The following DLST variants were observed in gnomAD, a reference collection of about 807,000 sequenced individuals.
DLST encodes the protein dihydrolipoamide S-succinyltransferase.
DLST carries 17 observed loss-of-function variants against 53.1 expected under a neutral mutation model. The ratio of observed to expected loss-of-function variants is 0.32; its 90% CI spans 0.22 to 0.48. The LOEUF is 0.48. Among genes scored for constraint, DLST ranks in the 20% least tolerant of loss-of-function variants. The probability of loss-of-function intolerance (pLI) is 0.99; values close to 1 mark genes in which losing one functional copy is unlikely to be tolerated. For missense variants in DLST, 512 were observed against 583.9 expected (o/e 0.88, Z 1.27); for synonymous variants, 206 against 204.8 (o/e 1.01, Z -0.05).
chr14:74,901,739 T>C lies in DLST; in HGVS notation c.1228-457T>C, dbSNP rs59612812. ...GGGAACTCCTGTGTTTAGAATCCTT[T>C]TGGGTTACTGACTCCTGTGTGAAAC... On this transcript the variant is annotated intron_variant, in intron 14 of 14. Coordinates refer to ENST00000334220, the MANE Select transcript of DLST (RefSeq NM_001933.5). Among the ~76,000 whole-genome samples the C allele has an allele frequency of 3.8e-3, 576 of 152,330 alleles. 4 individuals are homozygous for C. Among genetic ancestry groups the C allele is most frequent in the African/African-American group, 0.013 (552 of 41,564 alleles).
rs77181853 is a variant in DLST, at chr14:74,882,773, A to G, written c.97+149A>G. ...ACGCAATGCTACATAATCACGAGCTATCGCTTATTCATTTAGCTCGTAGTT... is the reference window on the plus strand; with the variant it reads ...ACGCAATGCTACATAATCACGAGCTGTCGCTTATTCATTTAGCTCGTAGTT... On this transcript the variant is annotated intron_variant, in intron 2 of 14. Coordinates refer to ENST00000334220, the MANE Select transcript of DLST (RefSeq NM_001933.5). 1,921 of 735,594 alleles carry G rather than the reference A, an allele frequency of 2.6e-3. 35 individuals carry two copies. The African/African-American group carries it at 0.031, about 12-fold the overall frequency. The allele number at this position is 735,594 out of a possible 1,614,324, so 45.6% of individuals were successfully genotyped here. A position where few individuals can be genotyped will look rare whatever the true frequency, so the allele number is the denominator to read the frequency against.
intron 7 of DLST, among the ~76,000 whole-genome samples, 166 bp from the exon 8 acceptor site, chr14:74,892,668 A>G (rs924598214): frequency 1.3e-5 from 2 of 152,126 alleles, no homozygotes; most frequent in Non-Finnish European, 2.9e-5. Context: ...GGACTAGAGA[A>G]TAGTGCCTTA....
In DLST at chr14:74,902,545, T is replaced by C. The variant is rs1364788779; in HGVS notation, c.*215T>C. ...TCTGCACCTGTCTCATAGCCTCGAA[T>C]ATCTTAATTCCTTAGGCTTAAGAGA... On this transcript the variant is annotated 3_prime_UTR_variant, in exon 15 of 15. Transcript: ENST00000334220. 5 of 458,470 alleles carry C rather than the reference T, an allele frequency of 1.1e-5. No individual in the cohort carries two copies. Among genetic ancestry groups the C allele is most frequent in the South Asian group, 5.1e-5 (1 of 19,430 alleles). The allele number at this position is 458,470 out of a possible 1,614,324, so 28.4% of individuals were successfully genotyped here. A position where few individuals can be genotyped will look rare whatever the true frequency, so the allele number is the denominator to read the frequency against.
At chr14:74,884,289 A>AAT (rs1883630320) in intron 2 of DLST, among the ~76,000 whole-genome samples, 1 of 152,218 alleles carries the variant, frequency 6.6e-6, no homozygotes, top group African/African-American at 2.4e-5. Context: ...GAGAACATAA[A>AAT]GCCCCTAGCA....
chr14:74,898,617 T>TA, intron 11 of DLST, 118 bp downstream of exon 11: 1 of 1,236,616 alleles, frequency 8.1e-7, no homozygotes, highest in Non-Finnish European at 1.1e-6. Flanking sequence ...CCTATAGAAA[T>TA]ATCAGTATCT....
At chr14:74,883,544 C>T (rs2140184504) in intron 2 of DLST, among the ~76,000 whole-genome samples, 1 of 151,602 alleles carries the variant, frequency 6.6e-6, no homozygotes, top group African/African-American at 2.4e-5. Context: ...AAAAAAGTGT[C>T]ATCCATAGCT....
intron 7 of DLST, 102 bp from the exon 8 acceptor site, chr14:74,892,732 C>T (rs1861538516): frequency 1.7e-6 from 2 of 1,147,400 alleles, no homozygotes; most frequent in Non-Finnish European, 2.5e-6. Flanking sequence ...ACCCAGTAGA[C>T]ATTCGTTACT....
chr14:74,891,785 C>T (rs1453698151), intron 7 of DLST: 1 of 985,066 alleles, frequency 1.0e-6, no homozygotes, highest in Non-Finnish European at 1.2e-6. Flanking sequence ...ACCAACGAGT[C>T]ACAGAAGTCT....
In DLST at chr14:74,892,949, G is replaced by A. The variant is rs1278677221; in HGVS notation, c.558G>A (p.Pro186=). 1.1e-5 allele frequency: 17 copies of A among 1,613,706 alleles called. No individual in the cohort carries two copies. The highest frequency in any genetic ancestry group is 3.3e-5 in the Admixed American group (2 of 59,904). ...CACCCATACCCACTCAGATGCCACC[G>A]GTGCCCTCGCCCTCACAGCCTCCTT... ...PAAPIPTQMP[P]VPSPSQPPSG... Residue 186 remains proline, a synonymous_variant, in exon 8 of 15, where the codon CCG becomes CCA. Coordinates refer to ENST00000334220, the MANE Select transcript of DLST (RefSeq NM_001933.5).
At chr14:74,887,938 G>C (rs1008932152) in intron 3 of DLST, among the ~76,000 whole-genome samples, 9 of 152,196 alleles carry the variant, frequency 5.9e-5, no homozygotes, top group Non-Finnish European at 1.0e-4. Flanking sequence ...AAAAATGCTT[G>C]TTGTGGAATA....
At chr14:74,901,300 T>C in intron 14 of DLST, 67 bp downstream of exon 14, 7 of 1,452,342 alleles carry the variant, frequency 4.8e-6, no homozygotes, top group Non-Finnish European at 5.7e-6. Flanking sequence ...AACTAAATGC[T>C]AATTGTAAAA....
At position 74,903,291 on chromosome 14, in the gene DLST, TGAG is replaced by T. The variant is rs1884333962; in HGVS notation, c.*966_*968del. On this transcript the variant is annotated 3_prime_UTR_variant, in exon 15 of 15. Coordinates refer to ENST00000334220, the MANE Select transcript of DLST (RefSeq NM_001933.5). ...GTTAAGTTGCTGTAAGCACCTGGGC[TGAG>T]GAGGCAGTTTTTGTTCCTTCCTGCG... The T allele has an allele frequency of 6.5e-6, 1 of 152,734 alleles. No homozygotes were observed. Among genetic ancestry groups the T allele is most frequent in the Admixed American group, 6.5e-5 (1 of 15,282 alleles). The allele number at this position is 152,734 out of a possible 1,614,324, so 9.5% of individuals were successfully genotyped here. A position where few individuals can be genotyped will look rare whatever the true frequency, so the allele number is the denominator to read the frequency against.
In DLST at chr14:74,894,428, C is replaced by T. The variant is rs1884012430; in HGVS notation, c.770+19C>T. On this transcript the variant is annotated intron_variant, in intron 10 of 14. Coordinates refer to ENST00000334220, the MANE Select transcript of DLST (RefSeq NM_001933.5). ...ACATGAGGTAGTGTCTCTAGTCCCT[C>T]TTATCCCCTAGGCCCCTTTTTCTTA... 1.2e-6 allele frequency: 2 copies of T among 1,611,670 alleles called. No individual in the cohort carries two copies. Among genetic ancestry groups the T allele is most frequent in the African/African-American group, 2.7e-5 (2 of 74,930 alleles).
rs1884205823 is a variant in DLST, at chr14:74,900,384, A to G, written c.1059+12A>G. 3 of 1,611,464 alleles carry G rather than the reference A, an allele frequency of 1.9e-6. No homozygotes were observed. Among genetic ancestry groups the G allele is most frequent in the African/African-American group, 1.3e-5 (1 of 75,006 alleles). On this transcript the variant is annotated intron_variant, in intron 13 of 14. Coordinates refer to ENST00000334220, the MANE Select transcript of DLST (RefSeq NM_001933.5). ...AACTGGGAGAGAAGGTAAAGTAGAAAGATGTATACAAGCTGCTAAGCAGGC... is the reference window on the plus strand; with the variant it reads ...AACTGGGAGAGAAGGTAAAGTAGAAGGATGTATACAAGCTGCTAAGCAGGC...
chr14:74,891,794 C>CT (rs1883917028), intron 7 of DLST: 1 of 985,216 alleles, frequency 1.0e-6, no homozygotes, highest in Non-Finnish European at 1.2e-6. Flanking sequence ...TCACAGAAGT[C>CT]TATTTCTTTT....
At chr14:74,886,874 T>C (rs937347596) in intron 3 of DLST, among the ~76,000 whole-genome samples, 2 of 152,100 alleles carry the variant, frequency 1.3e-5, no homozygotes, top group African/African-American at 2.4e-5. Context: ...CCTGGGTAGC[T>C]GGGATTACAG....
chr14:74,902,392 C>T lies in DLST; in HGVS notation c.*62C>T, dbSNP rs1884289130. On this transcript the variant is annotated 3_prime_UTR_variant, in exon 15 of 15. Transcript: ENST00000334220. ...AACTGAAAACCAGTCTTCTCCCTGTCCCCTCATGGGTCCCGGGTTAGCCTG... is the reference window on the plus strand; with the variant it reads ...AACTGAAAACCAGTCTTCTCCCTGTTCCCTCATGGGTCCCGGGTTAGCCTG... 2 of 1,530,856 alleles carry T rather than the reference C, an allele frequency of 1.3e-6. No individual in the cohort carries two copies. The highest frequency in any genetic ancestry group is 1.8e-5 in the Admixed American group (1 of 56,330). The allele number at this position is 1,530,856 out of a possible 1,614,324, so 94.8% of individuals were successfully genotyped here. A position where few individuals can be genotyped will look rare whatever the true frequency, so the allele number is the denominator to read the frequency against.
chr14:74,899,789 G>T, intron 11 of DLST, 134 bp from the exon 12 acceptor site: 1 of 648,824 alleles, frequency 1.5e-6, no homozygotes, highest in Non-Finnish European at 2.8e-6. Flanking sequence ...GCATAATGCA[G>T]TGGTGTTCAT....
At chr14:74,900,987 A>G (rs892067028) in intron 13 of DLST, 79 bp from the exon 14 acceptor site, 5 of 1,452,804 alleles carry the variant, frequency 3.4e-6, no homozygotes, top group East Asian at 4.6e-5. Flanking sequence ...CGGCCTCCCA[A>G]AGCGCTGGGA....
Sources: gnomAD v4.1 joint callset for allele counts (sites outside exome capture counted in the v4.1 genomes callset) on GRCh38, gnomAD v4.1.1 for gene constraint, MANE v1.5 for transcripts, NCBI Gene and HGNC (gene_info 2026-07-23, HGNC 2026-07-21) for gene names.